Variants in S100A9 observed in about 807,000 individuals in gnomAD.
S100A9 encodes the protein protein S100-A9.
S100A9 carries 2 observed loss-of-function variants against 4.3 expected under a neutral mutation model. The observed-to-expected ratio is 0.47, with a 90% CI of 0.19 to 1.48. S100A9 has a LOEUF of 1.48. Among genes scored for constraint, S100A9 ranks in the 40% most tolerant of loss-of-function variants. The pLI is 0.24. For missense variants in S100A9, 130 were observed against 144.4 expected (o/e 0.90, Z 0.51); for synonymous variants, 67 against 54.0 (o/e 1.24, Z -1.06).
rs772516678 is a variant in S100A9 at position 153,358,334 on chromosome 1, C to T, written c.51C>T (p.Asn17=). The change falls in exon 2 of 3, where the codon AAC becomes AAT. Residue 17 remains asparagine, a synonymous_variant. Transcript: ENST00000368738. ...QLERNIETII[N]TFHQYSVKLG... ...AACGCAACATAGAGACCATCATCAA[C>T]ACCTTCCACCAATACTCTGTGAAGC... 1.2e-6 allele frequency: 2 copies of T among 1,612,636 alleles called. No homozygotes were observed. The highest frequency in any genetic ancestry group is 1.7e-5 in the Admixed American group (1 of 59,948).
intron 2 of S100A9, 83 bp from the exon 3 acceptor site, chr1:153,360,561 T>C (rs1163716721): frequency 7.7e-6 from 7 of 909,694 alleles, no homozygotes. Flanking sequence ...CCCTTGTACA[T>C]TTGCCAGCTG....
chr1:153,360,500 C>T, intron 2 of S100A9, 144 bp from the exon 3 acceptor site: 3 of 600,526 alleles, frequency 5.0e-6, no homozygotes, highest in Non-Finnish European at 9.0e-6. Flanking sequence ...ATTGTGCGCA[C>T]TCAGCCTATG....
intron 2 of S100A9, among the ~76,000 whole-genome samples, chr1:153,359,758 G>A (rs1283894670): frequency 6.8e-6 from 1 of 146,064 alleles, no homozygotes; most frequent in Non-Finnish European, 1.5e-5. Context: ...GCACAATCTC[G>A]GCTCACCACA....
Position 153,360,943 on chromosome 1 carries a change from C to T in S100A9, c.*105C>T. The T allele has an allele frequency of 2.3e-6, 2 of 861,968 alleles. No individual in the cohort carries two copies. The highest frequency in any genetic ancestry group is 3.5e-6 in the Non-Finnish European group (2 of 567,144). The allele number at this position is 861,968 out of a possible 1,614,324, so 53.4% of individuals were successfully genotyped here. A position where few individuals can be genotyped will look rare whatever the true frequency, so the allele number is the denominator to read the frequency against. The stretch of plus-strand genomic sequence containing the variant: ...GCCAGGCCACCCTGCCTCTACCCAA[C>T]CAGGGCCCCGGGGCCTGTTATGTCA... On this transcript the variant is annotated 3_prime_UTR_variant, in exon 3 of 3. Coordinates refer to ENST00000368738, the MANE Select transcript of S100A9 (RefSeq NM_002965.4).
rs1218857777 is a variant in S100A9 at position 153,360,699 on chromosome 1, A to G, written c.206A>G (p.Asn69Ser). ...CACATCATGGAGGACCTGGACACAA[A>G]TGCAGACAAGCAGCTGAGCTTCGAG... ...IEHIMEDLDT[N>S]ADKQLSFEEF... Residue 69 changes from asparagine to serine, a missense_variant, in exon 3 of 3, where the codon AAT becomes AGT. Asn to Ser is a conservative substitution (Grantham distance 46, BLOSUM62 1). Coordinates refer to ENST00000368738, the MANE Select transcript of S100A9 (RefSeq NM_002965.4). 1 of 1,614,078 alleles carries G rather than the reference A, an allele frequency of 6.2e-7. No homozygotes were observed. Among genetic ancestry groups the G allele is most frequent in the Non-Finnish European group, 8.5e-7 (1 of 1,179,944 alleles).
Position 153,360,757 on chromosome 1 carries a change from G to C in S100A9, c.264G>C (p.Trp88Cys). 6.2e-7 allele frequency: 1 copy of C among 1,614,130 alleles called. No individual in the cohort carries two copies. The highest frequency in any genetic ancestry group is 8.5e-7 in the Non-Finnish European group (1 of 1,179,994). ...TCATGCTGATGGCGAGGCTAACCTGGGCCTCCCACGAGAAGATGCACGAGG... is the reference window on the plus strand; with the variant it reads ...TCATGCTGATGGCGAGGCTAACCTGCGCCTCCCACGAGAAGATGCACGAGG... ...EFIMLMARLT[W>C]ASHEKMHEGD... is the part of the protein sequence containing the mutation. The change falls in exon 3 of 3, where the codon TGG becomes TGC. Residue 88 changes from tryptophan (W) to cysteine (C), a missense_variant. Trp to Cys is a radical substitution (Grantham distance 215, BLOSUM62 -2). Coordinates refer to ENST00000368738, the MANE Select transcript of S100A9 (RefSeq NM_002965.4).
In S100A9 at chr1:153,359,182, C is replaced by T. The variant is rs182889384; in HGVS notation, c.150+749C>T. On this transcript the variant is annotated intron_variant, in intron 2 of 2. Coordinates refer to ENST00000368738, the MANE Select transcript of S100A9 (RefSeq NM_002965.4). ...TTTGGGGAAAGTCGGGAAACAGAGG[C>T]CTGCATTAAGAAGGGTGGAACACAT... 2.1e-3 allele frequency among the ~76,000 whole-genome samples: 314 copies of T among 152,174 alleles called. 1 individual carries two copies. The highest frequency in any genetic ancestry group is 7.5e-3 in the African/African-American group (311 of 41,512).
Position 153,360,968 on chromosome 1 carries a change from A to G in S100A9, c.*130A>G. ...CCAGGGCCCCGGGGCCTGTTATGTCAAACTGTCTTGGCTGTGGGGCTAGGG... is the reference window on the plus strand; with the variant it reads ...CCAGGGCCCCGGGGCCTGTTATGTCGAACTGTCTTGGCTGTGGGGCTAGGG... On this transcript the variant is annotated 3_prime_UTR_variant, in exon 3 of 3. Coordinates refer to ENST00000368738, the MANE Select transcript of S100A9 (RefSeq NM_002965.4). The G allele has an allele frequency of 1.5e-6, 1 of 686,580 alleles. No homozygotes were observed. The highest frequency in any genetic ancestry group is 1.9e-5 in the South Asian group (1 of 51,484). The allele number at this position is 686,580 out of a possible 1,614,324, so 42.5% of individuals were successfully genotyped here.
chr1:153,360,777 A>C lies in S100A9; in HGVS notation c.284A>C (p.His95Pro). Residue 95 changes from histidine to proline, a missense_variant, in exon 3 of 3, where the codon CAC (histidine) becomes CCC (proline). Physicochemically the swap from His to Pro is moderately conservative, Grantham distance 77. Transcript: ENST00000368738. ...ACCTGGGCCTCCCACGAGAAGATGC[A>C]CGAGGGTGACGAGGGCCCTGGCCAC... ...RLTWASHEKM[H>P]EGDEGPGHHH... The C allele has an allele frequency of 6.2e-7, 1 of 1,614,000 alleles. No homozygotes were observed. Among genetic ancestry groups the C allele is most frequent in the Non-Finnish European group, 8.5e-7 (1 of 1,179,954 alleles).
chr1:153,359,301 GAATTGC>G (rs1661401852), intron 2 of S100A9, among the ~76,000 whole-genome samples: 2 of 152,036 alleles, frequency 1.3e-5, no homozygotes, highest in Non-Finnish European at 2.9e-5. Context: ...GTAAGGTGGA[GAATTGC>G]AGCCTTCAGA....
chr1:153,358,272 G>C lies in S100A9; in HGVS notation c.-12G>C, dbSNP rs760705003. On this transcript the variant is annotated 5_prime_UTR_variant, in exon 2 of 3. Coordinates refer to ENST00000368738, the MANE Select transcript of S100A9 (RefSeq NM_002965.4). Reference sequence around the variant, plus strand: ...CTCTTGGTTTTCCATTACACAGACAGAGTGCAAGACGATGACTTGCAAAAT... The same window carrying C: ...CTCTTGGTTTTCCATTACACAGACACAGTGCAAGACGATGACTTGCAAAAT... 7.7e-6 allele frequency: 12 copies of C among 1,557,988 alleles called. No individual in the cohort carries two copies. In the African/African-American group the frequency reaches 9.5e-5, roughly 12 times the overall value.
rs1661438383 is a variant in S100A9 at position 153,360,828 on chromosome 1, G to T, written c.335G>T (p.Gly112Val). 1 of 1,605,174 alleles carries T rather than the reference G, an allele frequency of 6.2e-7. No homozygotes were observed. Among genetic ancestry groups the T allele is most frequent in the South Asian group, 1.1e-5 (1 of 89,928 alleles). The change falls in exon 3 of 3, where the codon GGC becomes GTC. Residue 112 changes from glycine (G) to valine (V), a missense_variant. Physicochemically the swap from Gly to Val is moderately radical, Grantham distance 109. Coordinates refer to ENST00000368738, the MANE Select transcript of S100A9 (RefSeq NM_002965.4). ...GHHHKPGLGE[G>V]TP is the part of the protein sequence containing the mutation. ...CACCATAAGCCAGGCCTCGGGGAGG[G>T]CACCCCCTAAGACCACAGTGGCCAA...
Position 153,358,475 on chromosome 1 carries a change from G to A in S100A9, c.150+42G>A, listed in dbSNP as rs780364457. ...GCAGGTCTGACCCAGCCTCACCGCA[G>A]TTTGGGTTGACAAGGGAGGATGGGA... On this transcript the variant is annotated intron_variant, in intron 2 of 2. Coordinates refer to ENST00000368738, the MANE Select transcript of S100A9 (RefSeq NM_002965.4). 3 of 1,504,232 alleles carry A rather than the reference G, an allele frequency of 2.0e-6. No homozygotes were observed. The South Asian group carries it at 3.8e-5, about 19-fold the overall frequency. The allele number at this position is 1,504,232 out of a possible 1,614,324, so 93.2% of individuals were successfully genotyped here.
intron 1 of S100A9, 35 bp from the exon 2 acceptor site, chr1:153,358,234 C>A: frequency 7.0e-7 from 1 of 1,438,438 alleles, no homozygotes; most frequent in Non-Finnish European, 9.4e-7. Context: ...GCATTTTCTT[C>A]TAAGTGTCCC....
At chr1:153,360,157 G>T (rs1430310007) in intron 2 of S100A9, among the ~76,000 whole-genome samples, 2 of 152,194 alleles carry the variant, frequency 1.3e-5, no homozygotes, top group Admixed American at 6.5e-5. Flanking sequence ...GGAAGGGAGG[G>T]CAGGGGAAGG....
intron 2 of S100A9, among the ~76,000 whole-genome samples, 158 bp downstream of exon 2, chr1:153,358,591 C>T (rs1661390743): frequency 6.6e-6 from 1 of 152,142 alleles, no homozygotes; most frequent in South Asian, 2.1e-4. Flanking sequence ...GGCAGGTGCT[C>T]ACAGTTACAC....
Position 153,360,811 on chromosome 1 carries a change from G to A in S100A9, c.318G>A (p.Lys106=), listed in dbSNP as rs1223142642. The change falls in exon 3 of 3, where the codon AAG becomes AAA. Residue 106 remains lysine (K), a synonymous_variant. Transcript: ENST00000368738. ...ACGAGGGCCCTGGCCACCACCATAA[G>A]CCAGGCCTCGGGGAGGGCACCCCCT... ...EGDEGPGHHH[K]PGLGEGTP The A allele has an allele frequency of 1.9e-6, 3 of 1,612,018 alleles. No individual in the cohort carries two copies. The highest frequency in any genetic ancestry group is 1.7e-4 in the Middle Eastern group (1 of 6,054).
chr1:153,360,633 C>T lies in S100A9; in HGVS notation c.151-11C>T. 2 of 1,589,882 alleles carry T rather than the reference C, an allele frequency of 1.3e-6. No homozygotes were observed. The highest frequency in any genetic ancestry group is 1.1e-5 in the South Asian group (1 of 88,774). On this transcript the variant is annotated splice_polypyrimidine_tract_variant and intron_variant, in intron 2 of 2. Coordinates refer to ENST00000368738, the MANE Select transcript of S100A9 (RefSeq NM_002965.4). ...CACCCAGCTCTCACAGCCTTCTCTC[C>T]CCACCCGCAGAAGGAGAATAAGAAT...
chr1:153,359,058 T>A (rs1164315906), intron 2 of S100A9, among the ~76,000 whole-genome samples: 1 of 152,106 alleles, frequency 6.6e-6, no homozygotes, highest in Non-Finnish European at 1.5e-5. Context: ...TGCACAGCAC[T>A]CAGGGAACTG....
Sources: allele counts gnomAD v4.1 joint callset (sites outside exome capture counted in the v4.1 genomes callset), GRCh38; gene constraint gnomAD v4.1.1; transcripts MANE v1.5; gene names NCBI Gene and HGNC (gene_info 2026-07-23, HGNC 2026-07-21).